INF2: variants seen among roughly 807,000 people sequenced by gnomAD.
INF2 encodes the protein inverted formin 2.
Under a neutral mutation model 123.5 loss-of-function variants are expected in INF2, and 43 were observed. That is an observed-to-expected ratio of 0.35 (90% CI 0.27 to 0.45). The LOEUF is 0.45. INF2 is among the 20% of genes least tolerant of loss of function. INF2 has a pLI of 1.00. For missense variants in INF2, 1,453 were observed against 1,682.7 expected, an observed-to-expected ratio of 0.86 and a Z score of 2.39; for synonymous variants, 851 against 745.0, an observed-to-expected ratio of 1.14 and a Z score of -2.32.
intron 22 of INF2, 89 bp downstream of exon 22, chr14:104,715,429 T>G: frequency 8.2e-7 from 1 of 1,215,934 alleles, no homozygotes; most frequent in Non-Finnish European, 1.2e-6. Flanking sequence ...TCCGGGACAC[T>G]AACCTGGCTT....
In INF2 at chr14:104,707,849, C is replaced by T. The variant is rs181694819; in HGVS notation, c.1582C>T (p.Pro528Ser). Residue 528 changes from proline to serine, a missense_variant, in exon 8 of 23, where the codon CCC becomes TCC. Transcript: ENST00000392634. ...PPPLLPCTCS[P>S]PVAGGMEEVI... ...TCCACTACTGCCCTGCACCTGCAGC[C>T]CCCCCGTGGCGGGAGGCATGGAGGA... is the stretch of plus-strand genomic sequence containing the variant. 6.5e-3 allele frequency: 10,369 copies of T among 1,604,686 alleles called. 48 individuals carry two copies. The highest frequency in any genetic ancestry group is 7.8e-3 in the Middle Eastern group (47 of 6,042).
At chr14:104,692,115 C>T (rs1888981895) in intron 1 of INF2, among the ~76,000 whole-genome samples, 1 of 152,118 alleles carries the variant, frequency 6.6e-6, no homozygotes, top group Non-Finnish European at 1.5e-5. Context: ...TCTGTCCACT[C>T]ACCATTCACG....
In INF2 at chr14:104,708,213, A is replaced by G. The variant is rs538266456; in HGVS notation, c.1735+211A>G. The G allele has an allele frequency of 2.9e-4, 252 of 883,346 alleles. 1 individual carries two copies. In the African/African-American group the frequency reaches 3.6e-3, roughly 12 times the overall value. The allele number at this position is 883,346 out of a possible 1,614,324, so 54.7% of individuals were successfully genotyped here. On this transcript the variant is annotated intron_variant, in intron 8 of 22. Transcript: ENST00000392634. Reference sequence around the variant, plus strand: ...GGGCTACCTCTGAGGACCCCCCTCCACATGCTCCCGTGAGCCAGTGCATCT... The same window carrying G: ...GGGCTACCTCTGAGGACCCCCCTCCGCATGCTCCCGTGAGCCAGTGCATCT...
chr14:104,717,574 C>T (rs1016843299), intron 22 of INF2: 3 of 152,186 alleles, frequency 2.0e-5, no homozygotes, highest in African/African-American at 4.8e-5. Flanking sequence ...ACATTCCTGC[C>T]CCTTTTTGTC....
chr14:104,701,465 G>C lies in INF2; in HGVS notation c.100G>C (p.Asp34His). ...DPTEANLESA[D>H]PELCIRLLQM... ...CACGGAGGCCAACCTGGAGAGCGCG[G>C]ACCCCGAGCTGTGCATCCGGCTGCT... The change falls in exon 2 of 23, where the codon GAC (aspartate) becomes CAC (histidine). Residue 34 changes from aspartate to histidine, a missense_variant. Physicochemically the swap from Asp to His is moderately conservative, Grantham distance 81. Around this residue, in one of 8 missense-constraint regions of INF2, gnomAD observed 43 missense variants for 44.7 expected, o/e 0.96. Coordinates refer to ENST00000392634, the MANE Select transcript of INF2 (RefSeq NM_022489.4). 5 of 1,600,616 alleles carry C rather than the reference G, an allele frequency of 3.1e-6. No homozygotes were observed. Among genetic ancestry groups the C allele is most frequent in the Non-Finnish European group, 4.3e-6 (5 of 1,173,966 alleles).
intron 15 of INF2, among the ~76,000 whole-genome samples, 159 bp downstream of exon 15, chr14:104,711,345 C>G (rs2140684510): frequency 6.6e-6 from 1 of 152,214 alleles, no homozygotes; most frequent in East Asian, 1.9e-4. Context: ...CAGAGCCACG[C>G]CCCCACCCCT....
Position 104,709,315 on chromosome 14 carries a change from G to T in INF2, c.1984G>T (p.Gly662Ter), listed in dbSNP as rs1324817279. 6.2e-7 allele frequency: 1 copy of T among 1,613,140 alleles called. No individual in the cohort carries two copies. The highest frequency in any genetic ancestry group is 1.7e-5 in the Admixed American group (1 of 60,016). Residue 662 changes from glycine to a stop codon, truncating the protein, a stop_gained, in exon 11 of 23, where the codon GGA becomes TGA. Coordinates refer to ENST00000392634, the MANE Select transcript of INF2 (RefSeq NM_022489.4). LOFTEE classifies it high-confidence loss of function. ...GGAGGTCGCTGCTATGATCCGGGCT[G>T]GAGATACCACCAAGTTTGATGTGGA... ...NEEVAAMIRA[G>*]DTTKFDVEVL...
intron 22 of INF2, among the ~76,000 whole-genome samples, chr14:104,718,421 G>A (rs530780956): frequency 6.6e-5 from 10 of 152,192 alleles, no homozygotes; most frequent in Non-Finnish European, 1.3e-4. Context: ...CCCAGGGCCC[G>A]ACGTGGAAGC....
At chr14:104,689,587 T>TCCAACCCCCCCC, upstream of INF2, 2 of 851,068 alleles carry the variant, frequency 2.3e-6, no homozygotes, top group Non-Finnish European at 2.8e-6. Flanking sequence ...CACCTCCTCT[T>TCCAACCCCCCCC]CCTCCCGCCC....
intron 1 of INF2, chr14:104,690,170 G>A (rs1240328180): frequency 6.6e-6 from 1 of 152,266 alleles, no homozygotes; most frequent in Non-Finnish European, 1.5e-5. Context: ...GCCCCACCCT[G>A]ACTGCTTGGC....
intron 7 of INF2, 64 bp downstream of exon 7, chr14:104,707,115 G>A (rs189993245): frequency 7.2e-7 from 1 of 1,394,746 alleles, no homozygotes; most frequent in African/African-American, 1.4e-5. Context: ...CTTAGACCAT[G>A]GGGGGGGGAG....
At chr14:104,707,119 G>T (rs1029416680) in intron 7 of INF2, 68 bp downstream of exon 7, 60 of 1,518,078 alleles carry the variant, frequency 4.0e-5, no homozygotes, top group Non-Finnish European at 4.6e-5. Flanking sequence ...GACCATGGGG[G>T]GGGGAGCCTG....
Position 104,701,724 on chromosome 14 carries a change from G to GCAACCAGA in INF2, c.366_367insACAACCAG (p.Gly123ThrfsTer18). On this transcript the variant is annotated frameshift_variant, in exon 2 of 23. Transcript: ENST00000392634. LOFTEE classifies it high-confidence loss of function. ...CGGCAGGGCATCGAGTACATCCTCA[G>GCAACCAGA]CAACCAGGGCTACGTGCGCCAGCTC... 1 of 1,534,532 alleles carries GCAACCAGA rather than the reference G, an allele frequency of 6.5e-7. No homozygotes were observed. The highest frequency in any genetic ancestry group is 2.4e-5 in the East Asian group (1 of 42,348).
Position 104,701,599 on chromosome 14 carries a change from G to A in INF2, c.234G>A (p.Leu78=), listed in dbSNP as rs757277880. ...AGCAGAGCGGCCTGGACCTGCTGCT[G>A]GAGGCGCTGGCGCGGCTGTCGGGCC... The part of the protein sequence containing the change: ...FLEQSGLDLL[L]EALARLSGRG... Residue 78 remains leucine (L), a synonymous_variant, in exon 2 of 23, where the codon CTG becomes CTA. Coordinates refer to ENST00000392634, the MANE Select transcript of INF2 (RefSeq NM_022489.4). 3.1e-6 allele frequency: 5 copies of A among 1,606,204 alleles called. No homozygotes were observed. Among genetic ancestry groups the A allele is most frequent in the Middle Eastern group, 1.7e-4 (1 of 6,020 alleles).
At chr14:104,692,804 G>A (rs1889017760) in intron 1 of INF2, among the ~76,000 whole-genome samples, 1 of 152,246 alleles carries the variant, frequency 6.6e-6, no homozygotes, top group African/African-American at 2.4e-5. Context: ...CACGCCAATG[G>A]CCAAGGGCAA....
intron 22 of INF2, 122 bp from the exon 23 acceptor site, chr14:104,718,673 T>C (rs2140719402): frequency 6.5e-7 from 1 of 1,527,230 alleles, no homozygotes; most frequent in Non-Finnish European, 8.8e-7. Context: ...CTGCGATGCA[T>C]GGCACAACCT....
In INF2 at chr14:104,711,685, C is replaced by T. The variant is rs1186921761; in HGVS notation, c.2475C>T (p.Pro825=). Reference sequence around the variant, plus strand: ...AGCTGCCCCGGGACCTGGAACAGCCCTCGCAAGCAGCAGGGTAGGTAGCTC... The same window carrying T: ...AGCTGCCCCGGGACCTGGAACAGCCTTCGCAAGCAGCAGGGTAGGTAGCTC... The part of the protein sequence containing the change: ...LLQLPRDLEQ[P]SQAAGINLEI... Residue 825 remains proline (P), a synonymous_variant, in exon 16 of 23, where the codon CCC becomes CCT. Coordinates refer to ENST00000392634, the MANE Select transcript of INF2 (RefSeq NM_022489.4). The T allele has an allele frequency of 1.9e-6, 3 of 1,612,368 alleles. No individual in the cohort carries two copies. The highest frequency in any genetic ancestry group is 2.5e-6 in the Non-Finnish European group (3 of 1,179,666).
In INF2 at chr14:104,709,299, T is replaced by A; in HGVS notation, c.1968T>A (p.Ala656=). ...GCTCCAGCTCCAACGAGGAGGTCGC[T>A]GCTATGATCCGGGCTGGAGATACCA... The part of the protein sequence containing the change: ...KQFKCSNEEV[A]AMIRAGDTTK... Residue 656 remains alanine, a synonymous_variant, in exon 11 of 23, where the codon GCT becomes GCA. Coordinates refer to ENST00000392634, the MANE Select transcript of INF2 (RefSeq NM_022489.4). 1.2e-6 allele frequency: 2 copies of A among 1,612,920 alleles called. No individual in the cohort carries two copies. The highest frequency in any genetic ancestry group is 1.7e-6 in the Non-Finnish European group (2 of 1,179,780).
Position 104,707,682 on chromosome 14 carries a change from C to A in INF2, c.1415C>A (p.Pro472Gln). 2.0e-6 allele frequency: 2 copies of A among 1,001,468 alleles called. No homozygotes were observed. Among genetic ancestry groups the A allele is most frequent in the Non-Finnish European group, 3.0e-6 (2 of 671,640 alleles). 62.0% of individuals were successfully genotyped at this position (1,001,468 alleles called of 1,614,324 possible). A position where few individuals can be genotyped will look rare whatever the true frequency, so the allele number is the denominator to read the frequency against. Residue 472 changes from proline to glutamine, a missense_variant, in exon 8 of 23, where the codon CCA (proline) becomes CAA (glutamine). This residue lies in a region of INF2 where 374 missense variants were observed against 303.7 expected (regional missense o/e 1.23). Transcript: ENST00000392634. ...PLPGLGAMAP[P>Q]APPLPPPLPG... ...CCAGGCCTGGGGGCCATGGCCCCCC[C>A]AGCACCTCCTCTACCACCACCCCTG...
Sources: allele counts gnomAD v4.1 joint callset (sites outside exome capture counted in the v4.1 genomes callset), GRCh38; gene constraint gnomAD v4.1.1; regional missense constraint gnomAD v4.1.1; transcripts MANE v1.5; gene names NCBI Gene and HGNC (gene_info 2026-07-23, HGNC 2026-07-21).